CCDC77: variants seen among roughly 807,000 people sequenced by gnomAD.
CCDC77 encodes coiled-coil domain containing 77, also known as coiled-coil domain-containing protein 77.
Under a neutral mutation model 66.8 loss-of-function variants are expected in CCDC77, and 56 were observed. The observed-to-expected ratio is 0.84, with a 90% CI of 0.68 to 1.05. CCDC77 has a LOEUF of 1.05. CCDC77 is among the 50% of genes least tolerant of loss of function. CCDC77 has a pLI of 0.00. For missense variants in CCDC77, 570 were observed against 576.8 expected (o/e 0.99, Z 0.12); for synonymous variants, 196 against 195.2 (o/e 1.00, Z -0.03).
At chr12:413,239 G>T (rs1308651848) in intron 4 of CCDC77, among the ~76,000 whole-genome samples, 2 of 140,748 alleles carry the variant, frequency 1.4e-5, no homozygotes, top group Non-Finnish European at 3.1e-5. Flanking sequence ...TGCCCGGCCT[G>T]TTTTTTTGTT....
In CCDC77 at chr12:425,320, T is replaced by C. The variant is rs901049908; in HGVS notation, c.414-3449T>C. On this transcript the variant is annotated intron_variant, in intron 5 of 12. Transcript: ENST00000239830. ...GGCAGAAGCTGGTTTTCAAATGTTG[T>C]CATTCTCAGCTGTAGACAGCATGGT... Among the ~76,000 whole-genome samples, 15 of 150,824 alleles carry C rather than the reference T, an allele frequency of 9.9e-5. 4 individuals are homozygous for C. The highest frequency in any genetic ancestry group is 3.7e-4 in the African/African-American group (15 of 40,188).
chr12:417,560 T>G (rs1945309713), intron 4 of CCDC77, among the ~76,000 whole-genome samples: 1 of 152,204 alleles, frequency 6.6e-6, no homozygotes. Flanking sequence ...GAATCGTATC[T>G]TTTCATCTTT....
chr12:439,032 T>C (rs1945810006), intron 10 of CCDC77, among the ~76,000 whole-genome samples: 2 of 150,930 alleles, frequency 1.3e-5, no homozygotes, highest in African/African-American at 2.4e-5. Flanking sequence ...CAGCCGAGAC[T>C]GTGCCACTGC....
intron 1 of CCDC77, among the ~76,000 whole-genome samples, chr12:396,263 G>A (rs1375784660): frequency 2.0e-5 from 3 of 151,846 alleles, no homozygotes; most frequent in African/African-American, 7.3e-5. Context: ...GTGGTGGTGG[G>A]TGCCTGTAAT....
Position 404,659 on chromosome 12 carries a change from G to A in CCDC77, c.-70-852G>A, listed in dbSNP as rs760571575. Among the ~76,000 whole-genome samples the A allele has an allele frequency of 5.3e-5, 8 of 152,046 alleles. No individual in the cohort carries two copies. In the East Asian group the frequency reaches 7.7e-4, roughly 15 times the overall value. ...GTAGACATGTGCAACAGTGAGGACAGTCACTATGAAGGAGAAGAGGGATTG... is the reference window on the plus strand; with the variant it reads ...GTAGACATGTGCAACAGTGAGGACAATCACTATGAAGGAGAAGAGGGATTG... On this transcript the variant is annotated intron_variant, in intron 1 of 12. Coordinates refer to ENST00000239830, the MANE Select transcript of CCDC77 (RefSeq NM_032358.4).
chr12:394,554 G>A (rs538354845), intron 1 of CCDC77, among the ~76,000 whole-genome samples: 19 of 152,266 alleles, frequency 1.2e-4, no homozygotes, highest in Admixed American at 2.6e-4. Context: ...GTATTACCAC[G>A]GTCAATGCTG....
intron 9 of CCDC77, among the ~76,000 whole-genome samples, 154 bp from the exon 10 acceptor site, chr12:438,181 G>T (rs1056590227): frequency 6.6e-6 from 1 of 152,194 alleles, no homozygotes; most frequent in Non-Finnish European, 1.5e-5. Flanking sequence ...ATGTAAGATT[G>T]CCAGTGATCA....
intron 4 of CCDC77, among the ~76,000 whole-genome samples, chr12:412,411 A>T (rs1301297666): frequency 6.6e-6 from 1 of 152,164 alleles, no homozygotes; most frequent in African/African-American, 2.4e-5. Context: ...CATAGCAAAA[A>T]CTGAGCTGTG....
rs1339159054 is a variant in CCDC77 at position 437,827 on chromosome 12, CAG to C, written c.822-505_822-504del. Among the ~76,000 whole-genome samples the C allele has an allele frequency of 2.5e-5, 3 of 121,088 alleles. 1 individual carries two copies. Among genetic ancestry groups the C allele is most frequent in the Non-Finnish European group, 4.8e-5 (3 of 62,370 alleles). The allele number at this position is 121,088 out of a possible 152,430, so 79.4% of individuals were successfully genotyped here. ...TGCCTCTGCACTCCAACCTACGTGA[CAG>C]AGCAAGACCCTGTCTTAAAAAAAAA... On this transcript the variant is annotated intron_variant, in intron 9 of 12. Coordinates refer to ENST00000239830, the MANE Select transcript of CCDC77 (RefSeq NM_032358.4).
intron 2 of CCDC77, among the ~76,000 whole-genome samples, chr12:407,188 A>C (rs754963398): frequency 5.9e-5 from 9 of 152,196 alleles, no homozygotes; most frequent in African/African-American, 2.2e-4. Flanking sequence ...CAATGAGGGC[A>C]TAGGTGATAA....
chr12:418,417 G>C (rs1389842112), intron 4 of CCDC77, 77 bp from the exon 5 acceptor site: 25 of 1,394,018 alleles, frequency 1.8e-5, no homozygotes, highest in Non-Finnish European at 2.3e-5. Flanking sequence ...TACATGAGTA[G>C]ACTCCTCCCT....
In CCDC77 at chr12:442,026, G is replaced by A. The variant is rs1945867112; in HGVS notation, c.*106G>A. 8.4e-7 allele frequency: 1 copy of A among 1,192,606 alleles called. No homozygotes were observed. The highest frequency in any genetic ancestry group is 1.2e-6 in the Non-Finnish European group (1 of 828,102). 73.9% of individuals were successfully genotyped at this position (1,192,606 alleles called of 1,614,324 possible). A position where few individuals can be genotyped will look rare whatever the true frequency, so the allele number is the denominator to read the frequency against. ...ATGTAAACCTGAGTTGACTAGAGTG[G>A]TGGTATTCATTATTGTAAAGACAGC... is the stretch of plus-strand genomic sequence containing the variant. On this transcript the variant is annotated 3_prime_UTR_variant, in exon 13 of 13. Transcript: ENST00000239830.
At chr12:406,025 C>T (rs755889101) in intron 2 of CCDC77, among the ~76,000 whole-genome samples, 6 of 151,488 alleles carry the variant, frequency 4.0e-5, no homozygotes, top group Non-Finnish European at 8.8e-5. Context: ...GCAGGCGATC[C>T]TCCTACCTCG....
chr12:409,548 C>G lies in CCDC77; in HGVS notation c.38+127C>G, dbSNP rs1591964305. On this transcript the variant is annotated intron_variant, in intron 3 of 12. Transcript: ENST00000239830. Reference sequence around the variant, plus strand: ...GTTTTTTTTCTTTGAGACAGAGTTTCACTCTGTGCCCAGGATGGGGTGCAG... The same window carrying G: ...GTTTTTTTTCTTTGAGACAGAGTTTGACTCTGTGCCCAGGATGGGGTGCAG... 2.6e-5 allele frequency: 22 copies of G among 838,462 alleles called. No homozygotes were observed. The East Asian group carries it at 5.5e-4, about 21-fold the overall frequency. 51.9% of individuals were successfully genotyped at this position (838,462 alleles called of 1,614,324 possible).
chr12:409,626 C>G, intron 3 of CCDC77: 2 of 579,064 alleles, frequency 3.5e-6, no homozygotes, highest in South Asian at 4.2e-5. Flanking sequence ...AAGCAATCCT[C>G]CCACCTCAGC....
intron 4 of CCDC77, among the ~76,000 whole-genome samples, chr12:416,054 GCTCGGC>G (rs1389009422): frequency 1.3e-5 from 2 of 151,462 alleles, no homozygotes; most frequent in Non-Finnish European, 2.9e-5. Context: ...GACCCATCTG[GCTCGGC>G]CTCCCAAGGT....
intron 9 of CCDC77, among the ~76,000 whole-genome samples, chr12:435,439 A>C (rs1477279950): frequency 2.0e-5 from 3 of 152,220 alleles, no homozygotes; most frequent in South Asian, 4.1e-4. Flanking sequence ...TCAACTCTTA[A>C]CTTTCTTATT....
intron 1 of CCDC77, among the ~76,000 whole-genome samples, chr12:390,834 CGTGTCTGGCA>C (rs1477213569): frequency 2.0e-5 from 3 of 152,170 alleles, no homozygotes; most frequent in Non-Finnish European, 4.4e-5. Context: ...GCCTCACTTA[CGTGTCTGGCA>C]GTTGGTGCTG....
At chr12:440,474 C>T (rs1240726736) in intron 10 of CCDC77, 143 bp from the exon 11 acceptor site, 3 of 868,876 alleles carry the variant, frequency 3.5e-6, no homozygotes, top group Non-Finnish European at 5.2e-6. Flanking sequence ...AGATGTTCCT[C>T]AAAGTTCCTT....
Sources: gnomAD v4.1 joint callset for allele counts (sites outside exome capture counted in the v4.1 genomes callset) on GRCh38, gnomAD v4.1.1 for gene constraint, MANE v1.5 for transcripts, NCBI Gene and HGNC (gene_info 2026-07-23, HGNC 2026-07-21) for gene names.